Variants in TRAPPC9 observed in about 807,000 individuals in gnomAD.
The protein encoded by TRAPPC9 is IKK2 binding protein.
Under a neutral mutation model 124.0 loss-of-function variants are expected in TRAPPC9, and 83 were observed. The ratio of observed to expected loss-of-function variants is 0.67; its 90% CI spans 0.56 to 0.80. The LOEUF (loss-of-function observed/expected upper bound fraction) is 0.80. TRAPPC9 is among the 30% of genes least tolerant of loss of function. The pLI is 0.00. For synonymous variants in TRAPPC9, 638 were observed against 617.5 expected (o/e 1.03, Z -0.49); for missense variants, 1,302 against 1,508.3 (o/e 0.86, Z 2.27).
At chr8:140,393,042 A>T (rs996310036) in intron 7 of TRAPPC9, among the ~76,000 whole-genome samples, 2 of 129,410 alleles carry the variant, frequency 1.5e-5, no homozygotes, top group African/African-American at 7.3e-5. Flanking sequence ...TTTTTATTTT[A>T]TTTTATTTTA....
intron 17 of TRAPPC9, among the ~76,000 whole-genome samples, chr8:140,162,731 T>C (rs1452301786): frequency 6.6e-6 from 1 of 152,232 alleles, no homozygotes. Context: ...GCTCATGCTG[T>C]GTTCCCAGCA....
At position 140,179,575 on chromosome 8, in the gene TRAPPC9, G is replaced by A. The variant is rs144732681; in HGVS notation, c.2556+41884C>T. On this transcript the variant is annotated intron_variant, in intron 17 of 22. Coordinates refer to ENST00000438773, the MANE Select transcript of TRAPPC9 (RefSeq NM_001160372.4). ...TGTTGTTGTTAAGCAATCTAGAAATGTGAACTAGATCAAATTGGTTGTGAG... is the reference window on the plus strand; with the variant it reads ...TGTTGTTGTTAAGCAATCTAGAAATATGAACTAGATCAAATTGGTTGTGAG... 4.5e-4 allele frequency among the ~76,000 whole-genome samples: 69 copies of A among 152,200 alleles called. No homozygotes were observed. The East Asian group carries it at 0.013, about 29-fold the overall frequency.
chr8:139,767,299 C>T (rs981264694), intron 21 of TRAPPC9, among the ~76,000 whole-genome samples: 1 of 152,252 alleles, frequency 6.6e-6, no homozygotes, highest in African/African-American at 2.4e-5. Flanking sequence ...GCTTTTCCCA[C>T]TCTGCCTGTG....
intron 1 of TRAPPC9, among the ~76,000 whole-genome samples, chr8:140,453,157 C>G (rs1011720291): frequency 1.1e-4 from 17 of 152,064 alleles, no homozygotes; most frequent in Non-Finnish European, 2.2e-4. Flanking sequence ...GAAAAAGATG[C>G]CTCGATACAC....
At chr8:140,136,294 G>T (rs557829906) in intron 17 of TRAPPC9, among the ~76,000 whole-genome samples, 65 of 152,152 alleles carry the variant, frequency 4.3e-4, no homozygotes, top group Non-Finnish European at 8.2e-4. Flanking sequence ...AGGGGATCCG[G>T]GTGTGACCTC....
At chr8:140,432,469 A>C (rs974837746) in intron 4 of TRAPPC9, among the ~76,000 whole-genome samples, 9 of 152,232 alleles carry the variant, frequency 5.9e-5, no homozygotes, top group Non-Finnish European at 1.5e-5. Flanking sequence ...AGTGAGGTTG[A>C]GACCCAGAGA....
chr8:140,360,028 A>T, intron 9 of TRAPPC9, 22 bp downstream of exon 9: 1 of 1,614,028 alleles, frequency 6.2e-7, no homozygotes, highest in Non-Finnish European at 8.5e-7. Flanking sequence ...GAAAAAAAAC[A>T]TTGTGGTTTG....
chr8:139,737,466 TCC>T lies in TRAPPC9; in HGVS notation c.3056-5266_3056-5265del, dbSNP rs35297460. Reference sequence around the variant, plus strand: ...GCCTTCAGGCGGGGGTCATCAGCCCTCCCCCCCCCCCCACGGAAAACCCTGAG... The same window carrying T: ...GCCTTCAGGCGGGGGTCATCAGCCCTCCCCCCCCCCACGGAAAACCCTGAG... On this transcript the variant is annotated intron_variant, in intron 21 of 22. Coordinates refer to ENST00000438773, the MANE Select transcript of TRAPPC9 (RefSeq NM_001160372.4). Among the ~76,000 whole-genome samples, 25 of 41,370 alleles carry T rather than the reference TCC, an allele frequency of 6.0e-4. 1 individual carries two copies. Among genetic ancestry groups the T allele is most frequent in the African/African-American group, 1.8e-3 (23 of 12,978 alleles). The allele number at this position is 41,370 out of a possible 152,430, so 27.1% of individuals were successfully genotyped here.
chr8:140,162,628 A>C (rs2061770556), intron 17 of TRAPPC9, among the ~76,000 whole-genome samples: 1 of 152,204 alleles, frequency 6.6e-6, no homozygotes, highest in Admixed American at 6.5e-5. Flanking sequence ...AAGCTCTGTG[A>C]GGTGGATGGT....
chr8:140,291,225 G>T, intron 11 of TRAPPC9, 147 bp from the exon 12 acceptor site: 3 of 755,088 alleles, frequency 4.0e-6, no homozygotes, highest in Non-Finnish European at 4.6e-6. Context: ...ATTCAAAGCT[G>T]CTTTTTCCAC....
intron 17 of TRAPPC9, among the ~76,000 whole-genome samples, chr8:140,057,543 G>T (rs147361101): frequency 1.1e-4 from 17 of 152,330 alleles, no homozygotes; most frequent in African/African-American, 3.6e-4. Flanking sequence ...CTACAACATG[G>T]ATGAGGCTTG....
At chr8:140,003,262 A>G (rs1361589199) in intron 18 of TRAPPC9, among the ~76,000 whole-genome samples, 4 of 152,156 alleles carry the variant, frequency 2.6e-5, no homozygotes, top group Non-Finnish European at 5.9e-5. Context: ...GAAAGGATCA[A>G]TGTCATTCAT....
At position 139,731,141 on chromosome 8, in the gene TRAPPC9, C is replaced by T; in HGVS notation, c.3367G>A (p.Asp1123Asn). 6.2e-7 allele frequency: 1 copy of T among 1,613,992 alleles called. No homozygotes were observed. Among genetic ancestry groups the T allele is most frequent in the Non-Finnish European group, 8.5e-7 (1 of 1,180,002 alleles). ...DFFLHIRFHE[D>N]STSKELPPSW... ...GGTGGCAGCTCCTTGCTGGTGCTGTCCTCGTGGAACCGGATGTGGAGGAAG... is the reference window on the plus strand; with the variant it reads ...GGTGGCAGCTCCTTGCTGGTGCTGTTCTCGTGGAACCGGATGTGGAGGAAG... Residue 1123 changes from aspartate (D) to asparagine (N), a missense_variant, in exon 23 of 23, where the codon GAC becomes AAC. Around this residue, in one of 3 missense-constraint regions of TRAPPC9, gnomAD observed 640 missense variants for 679.3 expected, o/e 0.94. Transcript: ENST00000438773.
chr8:140,059,398 C>T (rs1474588793), intron 17 of TRAPPC9, among the ~76,000 whole-genome samples: 6 of 152,216 alleles, frequency 3.9e-5, no homozygotes, highest in African/African-American at 7.2e-5. Flanking sequence ...TTCTGAATAA[C>T]GTTGCAATGA....
At chr8:140,089,224 T>C (rs2130140914) in intron 17 of TRAPPC9, among the ~76,000 whole-genome samples, 1 of 152,190 alleles carries the variant, frequency 6.6e-6, no homozygotes, top group South Asian at 2.1e-4. Context: ...TTCAAAAGCC[T>C]CTTCCCCCCC....
chr8:140,326,044 C>T (rs1373825218), intron 9 of TRAPPC9, among the ~76,000 whole-genome samples: 1 of 151,994 alleles, frequency 6.6e-6, no homozygotes, highest in African/African-American at 2.4e-5. Flanking sequence ...TGGAAATATA[C>T]AAATGGAAAT....
rs1378928908 is a variant in TRAPPC9, at chr8:140,097,870, C to T, written c.2557-73791G>A. On this transcript the variant is annotated intron_variant, in intron 17 of 22. Coordinates refer to ENST00000438773, the MANE Select transcript of TRAPPC9 (RefSeq NM_001160372.4). This position sits in a 1 kb window ranked among gnomAD's most constrained non-coding sequence, Gnocchi z 4.2. ...GGCTACAGACGTGCCGCAGTCCTAC[C>T]GGGAAAGATGCCAGCTCATGTCCTC... The T allele has an allele frequency of 6.6e-6, 1 of 152,270 alleles. No individual in the cohort carries two copies. The highest frequency in any genetic ancestry group is 1.5e-5 in the Non-Finnish European group (1 of 68,092). The allele number at this position is 152,270 out of a possible 1,614,324, so 9.4% of individuals were successfully genotyped here.
intron 21 of TRAPPC9, among the ~76,000 whole-genome samples, chr8:139,830,310 GCACACACATGCATA>G (rs1563846371): frequency 7.2e-6 from 1 of 138,872 alleles, no homozygotes; most frequent in East Asian, 2.1e-4. Context: ...CACTACACAT[GCACACACATGCATA>G]CACACAAGTG....
chr8:139,818,847 G>T (rs149953968), intron 21 of TRAPPC9, among the ~76,000 whole-genome samples: 2 of 152,316 alleles, frequency 1.3e-5, no homozygotes, highest in Non-Finnish European at 2.9e-5. Flanking sequence ...AGGTCAAATG[G>T]CAATACCTAG....
Sources: gnomAD v4.1 joint callset for allele counts (sites outside exome capture counted in the v4.1 genomes callset) on GRCh38, gnomAD v4.1.1 for gene constraint, gnomAD v4.1.1 regional missense constraint, Gnocchi (gnomAD v3.1) non-coding constraint, MANE v1.5 for transcripts, NCBI Gene and HGNC (gene_info 2026-07-23, HGNC 2026-07-21) for gene names.